PTPRD: variants seen among roughly 807,000 people sequenced by gnomAD.
PTPRD encodes protein tyrosine phosphatase receptor type D.
Under a neutral mutation model 214.5 loss-of-function variants are expected in PTPRD, and 34 were observed. The ratio of observed to expected loss-of-function variants is 0.16; its 90% confidence interval spans 0.12 to 0.21. PTPRD has a LOEUF of 0.21. Among genes scored for constraint, PTPRD ranks in the 10% least tolerant of loss-of-function variants. The pLI is 1.00. For missense variants in PTPRD, 2,545 were observed against 2,398.7 expected (o/e 1.06, Z -1.27); for synonymous variants, 1,128 against 845.7 (o/e 1.33, Z -5.79).
intron 21 of PTPRD, among the ~76,000 whole-genome samples, chr9:8,510,869 A>G (rs1342674645): frequency 6.6e-6 from 1 of 152,172 alleles, no homozygotes; most frequent in African/African-American, 2.4e-5. Flanking sequence ...AATGAGCATA[A>G]TATATGTATA....
chr9:9,535,208 A>C (rs2076271136), intron 8 of PTPRD, among the ~76,000 whole-genome samples: 1 of 152,102 alleles, frequency 6.6e-6, no homozygotes, highest in South Asian at 2.1e-4. Flanking sequence ...ACGAGACTCA[A>C]ACACATACTG....
intron 5 of PTPRD, among the ~76,000 whole-genome samples, chr9:9,915,257 A>AT (rs2080389867): frequency 6.6e-6 from 1 of 152,146 alleles, no homozygotes; most frequent in Non-Finnish European, 1.5e-5. Flanking sequence ...AACTAACACC[A>AT]TAAAATTAAA....
chr9:9,312,173 C>A (rs1959184848), intron 9 of PTPRD, among the ~76,000 whole-genome samples: 1 of 152,218 alleles, frequency 6.6e-6, no homozygotes, highest in Non-Finnish European at 1.5e-5. Flanking sequence ...AAATAGCTAA[C>A]TGAGATGTGA....
At chr9:8,358,444 A>C (rs1461519341) in intron 39 of PTPRD, among the ~76,000 whole-genome samples, 1 of 152,302 alleles carries the variant, frequency 6.6e-6, no homozygotes, top group East Asian at 1.9e-4. Flanking sequence ...CAGGCTGGCA[A>C]ACAAAAATTT....
intron 9 of PTPRD, among the ~76,000 whole-genome samples, chr9:9,341,592 C>A (rs2046827576): frequency 6.6e-6 from 1 of 151,926 alleles, no homozygotes; most frequent in African/African-American, 2.4e-5. Context: ...GAATTGACAT[C>A]CTGGTTTTGT....
intron 14 of PTPRD, among the ~76,000 whole-genome samples, chr9:8,596,251 A>G (rs1022480028): frequency 2.0e-5 from 3 of 151,722 alleles, no homozygotes. Context: ...AAATATATGG[A>G]TTTTATGGAT....
At chr9:9,078,167 G>A (rs1297235980) in intron 10 of PTPRD, among the ~76,000 whole-genome samples, 4 of 151,930 alleles carry the variant, frequency 2.6e-5, no homozygotes, top group African/African-American at 4.8e-5. Context: ...ATGAATAAAT[G>A]TTTAATTAAA....
intron 11 of PTPRD, among the ~76,000 whole-genome samples, chr9:8,841,655 TTTTG>T (rs1037645852): frequency 3.9e-5 from 6 of 151,934 alleles, no homozygotes; most frequent in African/African-American, 1.5e-4. Context: ...AGAAACCTGT[TTTTG>T]TTTATTTTGA....
chr9:9,984,972 G>A (rs2095660361), intron 4 of PTPRD, among the ~76,000 whole-genome samples: 1 of 152,124 alleles, frequency 6.6e-6, no homozygotes, highest in Non-Finnish European at 1.5e-5. Context: ...TTAACATCAT[G>A]CTCACTATAA....
At chr9:9,491,590 A>G (rs1364502290) in intron 8 of PTPRD, among the ~76,000 whole-genome samples, 1 of 151,886 alleles carries the variant, frequency 6.6e-6, no homozygotes, top group Non-Finnish European at 1.5e-5. Context: ...CACCAAGTGT[A>G]TCTTCAAACC....
intron 9 of PTPRD, among the ~76,000 whole-genome samples, chr9:9,318,455 T>C (rs913864527): frequency 3.3e-5 from 5 of 152,118 alleles, no homozygotes. Context: ...TTTGAAGTAA[T>C]GGTATTTTTG....
chr9:9,567,024 C>T (rs925185210), intron 8 of PTPRD, among the ~76,000 whole-genome samples: 5 of 151,654 alleles, frequency 3.3e-5, no homozygotes, highest in African/African-American at 1.2e-4. Context: ...CGAGAGAGGT[C>T]AAGTAGATAT....
rs145650603 is a variant in PTPRD at position 8,459,334 on chromosome 9, T to C, written c.3875+1077A>G. Among the ~76,000 whole-genome samples, 191 of 152,040 alleles carry C rather than the reference T, an allele frequency of 1.3e-3. 1 individual carries two copies. The highest frequency in any genetic ancestry group is 4.2e-3 in the African/African-American group (176 of 41,486). On this transcript the variant is annotated intron_variant, in intron 33 of 45. Transcript: ENST00000381196. ...GCTATCTTGTAGTAGAAGGATGAGA[T>C]CAACTTCACAGTAGCATTTCAAAAT...
intron 11 of PTPRD, among the ~76,000 whole-genome samples, chr9:8,961,683 G>A (rs569386194): frequency 1.3e-5 from 2 of 152,160 alleles, no homozygotes; most frequent in South Asian, 4.1e-4. Flanking sequence ...CTGCCTGCTA[G>A]GCTACTTAAC....
intron 7 of PTPRD, among the ~76,000 whole-genome samples, chr9:9,716,240 A>T (rs1161767979): frequency 1.3e-5 from 2 of 152,024 alleles, no homozygotes; most frequent in South Asian, 2.1e-4. Flanking sequence ...CATTTTTTTA[A>T]TTCAGTCTAT....
At chr9:9,824,955 T>C (rs949177181) in intron 5 of PTPRD, among the ~76,000 whole-genome samples, 3 of 151,984 alleles carry the variant, frequency 2.0e-5, no homozygotes, top group African/African-American at 7.2e-5. Flanking sequence ...TGGTTTTGAA[T>C]CCTCACTGGT....
intron 8 of PTPRD, among the ~76,000 whole-genome samples, chr9:9,471,125 G>A (rs563978976): frequency 5.3e-5 from 8 of 152,122 alleles, no homozygotes; most frequent in Admixed American, 4.6e-4. Context: ...TCTGCATTTT[G>A]TATCCTTCCT....
chr9:9,851,260 C>T (rs1321947293), intron 5 of PTPRD, among the ~76,000 whole-genome samples: 2 of 152,114 alleles, frequency 1.3e-5, no homozygotes, highest in East Asian at 3.9e-4. Context: ...AACTTGTCTC[C>T]TGAGGGTTAA....
intron 3 of PTPRD, among the ~76,000 whole-genome samples, chr9:10,261,002 A>G (rs1312856722): frequency 6.8e-6 from 1 of 147,842 alleles, no homozygotes; most frequent in African/African-American, 2.5e-5. Flanking sequence ...ATATATGTGT[A>G]TATATGTATA....
Sources: gnomAD v4.1 joint callset for allele counts (sites outside exome capture counted in the v4.1 genomes callset) on GRCh38, gnomAD v4.1.1 for gene constraint, MANE v1.5 for transcripts, NCBI Gene and HGNC (gene_info 2026-07-23, HGNC 2026-07-21) for gene names.